BABAM2: variants seen among roughly 807,000 people sequenced by gnomAD.
BABAM2 encodes the protein BRISC and BRCA1 A complex member 2.
Under a neutral mutation model 54.7 loss-of-function variants are expected in BABAM2, and 31 were observed. That is an observed-to-expected ratio of 0.57 (90% confidence interval 0.43 to 0.77). The LOEUF is 0.77. BABAM2 is among the 30% of genes least tolerant of loss of function. The probability of loss-of-function intolerance (pLI) is 0.00; values close to 1 mark genes in which losing one functional copy is unlikely to be tolerated. For missense variants in BABAM2, 364 were observed against 455.8 expected (o/e 0.80, Z 1.83); for synonymous variants, 167 against 162.9 (o/e 1.03, Z -0.19).
intron 4 of BABAM2, among the ~76,000 whole-genome samples, chr2:28,000,041 G>C (rs1423766854): frequency 6.6e-6 from 1 of 152,096 alleles, no homozygotes; most frequent in Middle Eastern, 3.2e-3. Context: ...AGAGAGCAGA[G>C]AGTTCCTAAG....
chr2:27,938,280 A>G (rs567927853), intron 3 of BABAM2, among the ~76,000 whole-genome samples: 1 of 152,344 alleles, frequency 6.6e-6, no homozygotes, highest in South Asian at 2.1e-4. Context: ...AACACTTCTC[A>G]GCAACACACA....
chr2:28,034,808 C>T (rs1192099834), intron 5 of BABAM2, among the ~76,000 whole-genome samples: 3 of 152,166 alleles, frequency 2.0e-5, no homozygotes, highest in Non-Finnish European at 4.4e-5. Context: ...TTCCCATTAA[C>T]CCGCTGACAT....
At chr2:27,894,435 T>G (rs1665122496) in intron 1 of BABAM2, 98 bp from the exon 2 acceptor site, 1 of 1,167,974 alleles carries the variant, frequency 8.6e-7, no homozygotes, top group Non-Finnish European at 1.2e-6. Flanking sequence ...TATTTATTCA[T>G]GCAAGAGGAA....
At chr2:28,110,800 C>T (rs955647682) in intron 6 of BABAM2, among the ~76,000 whole-genome samples, 4 of 151,990 alleles carry the variant, frequency 2.6e-5, no homozygotes, top group Non-Finnish European at 5.9e-5. Context: ...TCCATAGCAG[C>T]GATCCCATTT....
chr2:28,335,861 G>A (rs149476953), intron 11 of BABAM2, among the ~76,000 whole-genome samples: 8 of 152,294 alleles, frequency 5.3e-5, no homozygotes, highest in African/African-American at 1.9e-4. Flanking sequence ...CCTGGACCGT[G>A]GCCAGCTCAG....
At chr2:28,198,002 A>G (rs978140302) in intron 7 of BABAM2, among the ~76,000 whole-genome samples, 1 of 152,208 alleles carries the variant, frequency 6.6e-6, no homozygotes, top group Admixed American at 6.5e-5. Flanking sequence ...GTAAGTCCAT[A>G]TGAAATTGAG....
Position 28,200,059 on chromosome 2 carries a change from A to AT in BABAM2, c.681-37139dup, listed in dbSNP as rs527762565. 1.8e-4 allele frequency among the ~76,000 whole-genome samples: 27 copies of AT among 152,348 alleles called. No homozygotes were observed. In the East Asian group the frequency reaches 4.0e-3, roughly 23 times the overall value. On this transcript the variant is annotated intron_variant, in intron 7 of 11. Coordinates refer to ENST00000379624, the MANE Select transcript of BABAM2 (RefSeq NM_199191.3). ...TGCCTTTTAGGGAAATATAATACAC[A>AT]TTTTCATTCTTGTTTACCTTCTTCA...
chr2:28,172,919 C>T (rs1489392824), intron 7 of BABAM2, among the ~76,000 whole-genome samples: 1 of 152,114 alleles, frequency 6.6e-6, no homozygotes, highest in African/African-American at 2.4e-5. Context: ...CTAAGAAATC[C>T]AAAATCACTG....
rs866908360 is a variant in BABAM2, at chr2:27,959,193, C to G, written c.206-28800C>G. Among the ~76,000 whole-genome samples the G allele has an allele frequency of 3.0e-4, 45 of 152,252 alleles. 1 individual carries two copies. In the Middle Eastern group the frequency reaches 0.01, roughly 35 times the overall value. Reference sequence around the variant, plus strand: ...CAGCAATCTGGTCACCAACCACATGCGAGTCAATGTATTGTTTCTGTGAAG... The same window carrying G: ...CAGCAATCTGGTCACCAACCACATGGGAGTCAATGTATTGTTTCTGTGAAG... On this transcript the variant is annotated intron_variant, in intron 3 of 11. Coordinates refer to ENST00000379624, the MANE Select transcript of BABAM2 (RefSeq NM_199191.3).
chr2:28,258,748 G>C (rs1426831810), intron 10 of BABAM2, among the ~76,000 whole-genome samples: 1 of 151,256 alleles, frequency 6.6e-6, no homozygotes, highest in East Asian at 1.9e-4. Context: ...GAGCAGCAGG[G>C]ACTGCAAGCA....
At chr2:28,193,861 T>C (rs1464361074) in intron 7 of BABAM2, among the ~76,000 whole-genome samples, 2 of 152,148 alleles carry the variant, frequency 1.3e-5, no homozygotes, top group Non-Finnish European at 2.9e-5. Flanking sequence ...TCAGGTCCTG[T>C]AGGCAATAGA....
At chr2:28,239,246 A>G (rs996222417) in intron 8 of BABAM2, among the ~76,000 whole-genome samples, 2 of 152,270 alleles carry the variant, frequency 1.3e-5, no homozygotes, top group Non-Finnish European at 2.9e-5. Context: ...TTATATAAAT[A>G]GAATTGTTTT....
chr2:28,091,991 G>T (rs13402525), intron 6 of BABAM2, among the ~76,000 whole-genome samples: 78,667 of 151,672 alleles, frequency 0.52, 22,007 homozygotes, highest in Middle Eastern at 0.66. Flanking sequence ...ATAACTCTTT[G>T]TACCAAAATC....
intron 6 of BABAM2, among the ~76,000 whole-genome samples, chr2:28,100,298 A>T (rs1372548117): frequency 6.6e-6 from 1 of 151,856 alleles, no homozygotes. Context: ...ATCTCTATCA[A>T]AAACATAAAA....
rs571721306 is a variant in BABAM2 at position 27,996,131 on chromosome 2, T to G, written c.300+8044T>G. Among the ~76,000 whole-genome samples, 8 of 152,378 alleles carry G rather than the reference T, an allele frequency of 5.3e-5. No homozygotes were observed. In the East Asian group the frequency reaches 1.5e-3, roughly 29 times the overall value. On this transcript the variant is annotated intron_variant, in intron 4 of 11. Transcript: ENST00000379624. ...TTCTTGGTTATCCATCATGTGGTTC[T>G]GTTTTTGGTGTTTCTGGTAGTTTTG...
At chr2:28,154,548 A>G (rs1437507695) in intron 7 of BABAM2, among the ~76,000 whole-genome samples, 1 of 152,178 alleles carries the variant, frequency 6.6e-6, no homozygotes, top group Non-Finnish European at 1.5e-5. Context: ...GCTGGAAAGC[A>G]TTATTTTTCT....
At chr2:28,114,258 G>A (rs1668397499) in intron 6 of BABAM2, among the ~76,000 whole-genome samples, 1 of 150,966 alleles carries the variant, frequency 6.6e-6, no homozygotes, top group African/African-American at 2.4e-5. Context: ...GACATGATTG[G>A]ATATTTAGAA....
At position 28,298,363 on chromosome 2, in the gene BABAM2, A is replaced by C. The variant is rs1397983097; in HGVS notation, c.960A>C (p.Arg320=). 6.2e-7 allele frequency: 1 copy of C among 1,613,972 alleles called. No individual in the cohort carries two copies. Among genetic ancestry groups the C allele is most frequent in the Non-Finnish European group, 8.5e-7 (1 of 1,179,958 alleles). ...VHIDLPLFFP[R]DQPTLTFQSV... is the part of the protein sequence containing the mutation. ...TTGACCTGCCTCTGTTTTTCCCTCG[A>C]GACCAGCCAACTCTCACATTTCAGT... is the stretch of plus-strand genomic sequence containing the variant. Residue 320 remains arginine, a synonymous_variant, in exon 11 of 12, where the codon CGA becomes CGC. Coordinates refer to ENST00000379624, the MANE Select transcript of BABAM2 (RefSeq NM_199191.3).
chr2:28,216,937 C>A (rs11694084), intron 7 of BABAM2, among the ~76,000 whole-genome samples: 18,573 of 152,160 alleles, frequency 0.12, 1,486 homozygotes, highest in Non-Finnish European at 0.18. Context: ...TTTTGTACTT[C>A]ACATTCGCTC....
Sources: gnomAD v4.1 joint callset for allele counts (sites outside exome capture counted in the v4.1 genomes callset) on GRCh38, gnomAD v4.1.1 for gene constraint, MANE v1.5 for transcripts, NCBI Gene and HGNC (gene_info 2026-07-23, HGNC 2026-07-21) for gene names.